OR11A1: variants seen among roughly 807,000 people sequenced by gnomAD.
OR11A1 encodes olfactory receptor family 11 subfamily A member 1.
For synonymous variants in OR11A1, 158 were observed against 152.2 expected (o/e 1.04, Z -0.28); for missense variants, 380 against 378.2 (o/e 1.00, Z -0.04).
chr6:29,440,254 T>C, intron 1 of OR11A1: 2 of 1,614,048 alleles, frequency 1.2e-6, no homozygotes, highest in South Asian at 1.1e-5. Flanking sequence ...GTCCCCCTGC[T>C]ACTTCACCAC....
chr6:29,456,714 A>C (rs1786359692), intron 1 of OR11A1, among the ~76,000 whole-genome samples: 1 of 152,104 alleles, frequency 6.6e-6, no homozygotes, highest in Admixed American at 6.5e-5. Context: ...ACCACCCCAC[A>C]CTGTTTCTCT....
chr6:29,443,267 CT>C (rs2151385196), intron 1 of OR11A1, among the ~76,000 whole-genome samples: 1 of 152,280 alleles, frequency 6.6e-6, no homozygotes, highest in Non-Finnish European at 1.5e-5. Context: ...CCATTGTAAT[CT>C]CTCTCTTTCA....
At chr6:29,445,214 C>T (rs554540785) in intron 1 of OR11A1, among the ~76,000 whole-genome samples, 1 of 152,244 alleles carries the variant, frequency 6.6e-6, no homozygotes. Flanking sequence ...ACCATGTTGG[C>T]CAGGCTGGTC....
At chr6:29,440,827 C>T (rs1784113548) in intron 1 of OR11A1, 1 of 1,613,988 alleles carries the variant, frequency 6.2e-7, no homozygotes, top group Admixed American at 1.7e-5. Context: ...GCCACTGACC[C>T]TCTGGTGTCC....
At chr6:29,452,274 A>G (rs897627760) in intron 1 of OR11A1, among the ~76,000 whole-genome samples, 1 of 152,128 alleles carries the variant, frequency 6.6e-6, no homozygotes, top group Admixed American at 6.6e-5. Context: ...CCAAACCCCA[A>G]TGACACGCAA....
At chr6:29,450,000 C>G (rs1315982137) in intron 1 of OR11A1, among the ~76,000 whole-genome samples, 1 of 152,242 alleles carries the variant, frequency 6.6e-6, no homozygotes, top group Non-Finnish European at 1.5e-5. Context: ...GCTCAAAACA[C>G]TGAGATGCCC....
In OR11A1 at chr6:29,440,454, G is replaced by A. The variant is rs754768833; in HGVS notation, c.-388-8467C>T. 2.0e-5 allele frequency: 32 copies of A among 1,613,902 alleles called. No homozygotes were observed. The highest frequency in any genetic ancestry group is 2.5e-5 in the Non-Finnish European group (30 of 1,180,030). On this transcript the variant is annotated intron_variant, in intron 1 of 4. Transcript: ENST00000377149. ...GGTGTGTCTACAGCTAGCTGGGTCG[G>A]CGTGGGCCTGTGGGGTGCTGGTGGG...
At chr6:29,454,323 A>G (rs913037288) in intron 1 of OR11A1, among the ~76,000 whole-genome samples, 4 of 152,164 alleles carry the variant, frequency 2.6e-5, no homozygotes, top group Admixed American at 2.6e-4. Context: ...CTATCAATAT[A>G]GATGGGTATC....
chr6:29,427,277 T>C lies in OR11A1; in HGVS notation c.365A>G (p.Asp122Gly), dbSNP rs1188727046. Residue 122 changes from aspartate (D) to glycine (G), a missense_variant, in exon 5 of 5, where the codon GAC (aspartate) becomes GGC (glycine). Transcript: ENST00000377149. The part of the protein sequence containing the change: ...ECLLLAVMAY[D>G]RYLAICYPLH... Reference sequence around the variant, plus strand: ...TGGGTAGCAAATTGCCAGGTAGCGGTCATATGCCATGACAGCCAGCAGTAA... The same window carrying C: ...TGGGTAGCAAATTGCCAGGTAGCGGCCATATGCCATGACAGCCAGCAGTAA... The C allele has an allele frequency of 3.7e-6, 6 of 1,612,802 alleles. No individual in the cohort carries two copies. Among genetic ancestry groups the C allele is most frequent in the Admixed American group, 1.7e-5 (1 of 59,988 alleles).
intron 1 of OR11A1, among the ~76,000 whole-genome samples, chr6:29,445,549 C>T (rs1018557383): frequency 5.9e-5 from 9 of 152,182 alleles, no homozygotes; most frequent in African/African-American, 2.2e-4. Flanking sequence ...GGAGAAACCT[C>T]CCAACCAGAG....
intron 1 of OR11A1, among the ~76,000 whole-genome samples, chr6:29,444,486 A>G (rs112580165): frequency 1.1e-4 from 16 of 152,290 alleles, no homozygotes; most frequent in Non-Finnish European, 1.5e-4. Context: ...TTGGTTTTCA[A>G]TTTCATCATC....
intron 1 of OR11A1, among the ~76,000 whole-genome samples, chr6:29,454,449 A>G (rs1298090246): frequency 2.0e-5 from 3 of 152,160 alleles, no homozygotes; most frequent in Non-Finnish European, 2.9e-5. Context: ...GAATGACTAT[A>G]ATAAGAAACT....
chr6:29,451,907 G>A (rs1346159997), intron 1 of OR11A1, among the ~76,000 whole-genome samples: 5 of 152,086 alleles, frequency 3.3e-5, no homozygotes, highest in Non-Finnish European at 7.4e-5. Flanking sequence ...GTTCACAATA[G>A]CAAAGACATG....
chr6:29,434,357 G>A (rs571927990), intron 1 of OR11A1, among the ~76,000 whole-genome samples: 3 of 152,210 alleles, frequency 2.0e-5, no homozygotes, highest in South Asian at 4.1e-4. Context: ...GTGTCATAAG[G>A]ATCCAATTTC....
chr6:29,455,787 T>G (rs1235992660), intron 1 of OR11A1, among the ~76,000 whole-genome samples: 1 of 138,988 alleles, frequency 7.2e-6, no homozygotes, highest in African/African-American at 2.7e-5. Flanking sequence ...GGGGCAGGAG[T>G]ATCGCTTGAA....
rs755057225 is a variant in OR11A1, at chr6:29,440,202, C to T, written c.-388-8215G>A. On this transcript the variant is annotated intron_variant, in intron 1 of 4. Transcript: ENST00000377149. The stretch of plus-strand genomic sequence containing the variant: ...CCAGTCCCCTATGTACTTCTTCCTG[C>T]GCACCCTCTCGGCCTTGGAGATTGG... 2 of 1,613,752 alleles carry T rather than the reference C, an allele frequency of 1.2e-6. No individual in the cohort carries two copies. The highest frequency in any genetic ancestry group is 2.2e-5 in the East Asian group (1 of 44,892).
At chr6:29,432,123 A>C in intron 1 of OR11A1, 136 bp from the exon 2 acceptor site, 1 of 475,708 alleles carries the variant, frequency 2.1e-6, no homozygotes, top group Non-Finnish European at 2.7e-6. Flanking sequence ...CTTTCCCTCT[A>C]TCACATGGGA....
chr6:29,438,271 G>T (rs1263523509), intron 1 of OR11A1, among the ~76,000 whole-genome samples: 1 of 152,026 alleles, frequency 6.6e-6, no homozygotes, highest in Non-Finnish European at 1.5e-5. Context: ...TGCAAAGAAA[G>T]ATTTGTATAA....
intron 4 of OR11A1, 40 bp from the exon 5 acceptor site, chr6:29,427,772 T>C (rs1271764089): frequency 5.7e-6 from 8 of 1,396,310 alleles, no homozygotes; most frequent in Middle Eastern, 3.7e-4. Flanking sequence ...AATGAGTCTC[T>C]AAAACAAGAC....
Sources: gnomAD v4.1 joint callset for allele counts (sites outside exome capture counted in the v4.1 genomes callset) on GRCh38, gnomAD v4.1.1 for gene constraint, MANE v1.5 for transcripts, NCBI Gene and HGNC (gene_info 2026-07-23, HGNC 2026-07-21) for gene names.